Variants in DLGAP3 observed in about 807,000 individuals in gnomAD.
DLGAP3 encodes disks large-associated protein 3.
In DLGAP3, 17 loss-of-function variants were observed where a neutral mutation model predicts 81.2. The observed-to-expected ratio is 0.21, with a 90% CI of 0.14 to 0.31. The LOEUF is 0.31. Among genes scored for constraint, DLGAP3 ranks in the 10% least tolerant of loss-of-function variants. DLGAP3 has a pLI of 1.00. For synonymous variants in DLGAP3, 577 were observed against 587.4 expected, an observed-to-expected ratio of 0.98 and a Z score of 0.26; for missense variants, 1,124 against 1,388.0, an observed-to-expected ratio of 0.81 and a Z score of 3.02.
At chr1:34,882,339 G>A (rs1012873920) in intron 8 of DLGAP3, among the ~76,000 whole-genome samples, 2 of 152,072 alleles carry the variant, frequency 1.3e-5, no homozygotes, top group African/African-American at 2.4e-5. Flanking sequence ...CTAGCCAGGC[G>A]TGGTGGCGGG....
intron 1 of DLGAP3, among the ~76,000 whole-genome samples, chr1:34,918,018 G>C (rs924613805): frequency 2.0e-5 from 3 of 152,232 alleles, no homozygotes; most frequent in African/African-American, 7.2e-5. Flanking sequence ...GAGGGAGGGA[G>C]GGGGCTCGGA....
At position 34,895,768 on chromosome 1, in the gene DLGAP3, T is replaced by TA. The variant is rs1163612638; in HGVS notation, c.1386+3900dup. 6.6e-6 allele frequency among the ~76,000 whole-genome samples: 1 copy of TA among 152,206 alleles called. No homozygotes were observed. The highest frequency in any genetic ancestry group is 1.5e-5 in the Non-Finnish European group (1 of 68,040). ...TGGAATAAATTTTAAGGTTCATTAA[T>TA]AAACACATGCATTTATGGTAAATTG... On this transcript the variant is annotated intron_variant, in intron 5 of 11. Coordinates refer to ENST00000373347, the MANE Select transcript of DLGAP3 (RefSeq NM_001080418.3). The surrounding 1 kb of genome is among the most constrained non-coding windows in gnomAD (Gnocchi z 4.5).
chr1:34,868,841 G>A lies in DLGAP3; in HGVS notation c.2249C>T (p.Pro750Leu), dbSNP rs916821098. The change falls in exon 9 of 12, where the codon CCG (proline) becomes CTG (leucine). Residue 750 changes from proline to leucine, a missense_variant. Coordinates refer to ENST00000373347, the MANE Select transcript of DLGAP3 (RefSeq NM_001080418.3). This position sits in a 1 kb window ranked among gnomAD's most constrained non-coding sequence, Gnocchi z 7.5. ...AGGGCCGGGCGACCCATCGGTGGCC[G>A]GCGGCTCGTACGGCAGTGGGTAGCC... ...REGYPLPYEP[P>L]ATDGSPGPAP... The A allele has an allele frequency of 5.7e-6, 9 of 1,582,154 alleles. No individual in the cohort carries two copies. Among genetic ancestry groups the A allele is most frequent in the East Asian group, 2.3e-5 (1 of 44,156 alleles).
intron 1 of DLGAP3, among the ~76,000 whole-genome samples, chr1:34,919,854 G>A (rs1244868851): frequency 6.6e-6 from 1 of 152,168 alleles, no homozygotes; most frequent in Non-Finnish European, 1.5e-5. Context: ...ACCAAAAAAT[G>A]TGTTATACAA....
chr1:34,918,993 C>T (rs1339614248), intron 1 of DLGAP3, among the ~76,000 whole-genome samples: 3 of 152,156 alleles, frequency 2.0e-5, no homozygotes, highest in Non-Finnish European at 4.4e-5. Context: ...TCTTCTCCTC[C>T]CTTTCCTCAT....
At chr1:34,903,141 A>G (rs1639487891) in intron 3 of DLGAP3, among the ~76,000 whole-genome samples, 1 of 152,214 alleles carries the variant, frequency 6.6e-6, no homozygotes, top group African/African-American at 2.4e-5. Context: ...CATGCTGTAT[A>G]GTCTCTTCCC....
intron 5 of DLGAP3, among the ~76,000 whole-genome samples, chr1:34,897,795 G>T (rs1248022988): frequency 1.3e-5 from 2 of 152,218 alleles, no homozygotes; most frequent in East Asian, 3.8e-4. Context: ...TGGCAGTGGA[G>T]ATGGTGAGGA....
chr1:34,906,064 TAATA>T (rs1012064953), intron 2 of DLGAP3, among the ~76,000 whole-genome samples: 8 of 96,760 alleles, frequency 8.3e-5, no homozygotes, highest in African/African-American at 2.8e-4. Flanking sequence ...AAATGTATAT[TAATA>T]AATATTTATA....
chr1:34,927,745 C>G (rs1027198993), intron 1 of DLGAP3, among the ~76,000 whole-genome samples: 1 of 150,412 alleles, frequency 6.6e-6, no homozygotes, highest in African/African-American at 2.4e-5. Context: ...GCAGAAGTAG[C>G]CCCAGCATTC....
chr1:34,885,328 A>G, intron 7 of DLGAP3, 150 bp downstream of exon 7: 2 of 899,256 alleles, frequency 2.2e-6, no homozygotes, highest in Non-Finnish European at 3.5e-6. Context: ...TGGCTGGAGC[A>G]GCCCCGTCGA....
intron 5 of DLGAP3, among the ~76,000 whole-genome samples, chr1:34,886,916 C>A (rs1639241329): frequency 6.8e-6 from 1 of 148,060 alleles, no homozygotes; most frequent in Admixed American, 6.8e-5. Flanking sequence ...TATTAACCTA[C>A]CAGTGTCCCA....
chr1:34,891,486 T>A (rs551450165), intron 5 of DLGAP3, among the ~76,000 whole-genome samples: 1 of 152,346 alleles, frequency 6.6e-6, no homozygotes, highest in East Asian at 1.9e-4. Context: ...GGGAGTTTGA[T>A]AAGCTCTCCA....
At chr1:34,888,557 G>A (rs910428242) in intron 5 of DLGAP3, among the ~76,000 whole-genome samples, 13 of 152,152 alleles carry the variant, frequency 8.5e-5, no homozygotes, top group African/African-American at 2.4e-4. Context: ...ATTTAGATTC[G>A]TTGGTTCCAA....
At chr1:34,892,766 T>C (rs1164609221) in intron 5 of DLGAP3, among the ~76,000 whole-genome samples, 1 of 152,232 alleles carries the variant, frequency 6.6e-6, no homozygotes, top group Non-Finnish European at 1.5e-5. Flanking sequence ...AAGAGATCTA[T>C]ATTCACACAA....
intron 5 of DLGAP3, among the ~76,000 whole-genome samples, chr1:34,897,949 T>A (rs575485615): frequency 3.3e-5 from 5 of 152,304 alleles, no homozygotes; most frequent in South Asian, 2.1e-4. Flanking sequence ...GTTGCCATTA[T>A]CTGAAATGGA....
chr1:34,899,269 C>T (rs1441250555), intron 5 of DLGAP3, among the ~76,000 whole-genome samples: 4 of 152,198 alleles, frequency 2.6e-5, no homozygotes, highest in African/African-American at 4.8e-5. Context: ...GGGGTTTCAC[C>T]GTGTTAGCCA....
chr1:34,904,635 T>C lies in DLGAP3; in HGVS notation c.749A>G (p.Asp250Gly), dbSNP rs1013255574. Residue 250 changes from aspartate to glycine, a missense_variant, in exon 3 of 12, where the codon GAT (aspartate) becomes GGT (glycine). By Grantham distance (94) the Asp-to-Gly change is moderately conservative. Transcript: ENST00000373347. This position sits in a 1 kb window ranked among gnomAD's most constrained non-coding sequence, Gnocchi z 8.1. The stretch of plus-strand genomic sequence containing the variant: ...TGTGGACTTGGCCTGGTGCCGCCCA[T>C]CCCCCTTGCGGTCCTTGCTCTTGCT... Reference protein sequence around the residue: ...KRSKSKDRKGDGRHQAKSTGW... With the variant: ...KRSKSKDRKGGGRHQAKSTGW... 6 of 1,613,924 alleles carry C rather than the reference T, an allele frequency of 3.7e-6. 1 individual carries two copies. The highest frequency in any genetic ancestry group is 5.1e-6 in the Non-Finnish European group (6 of 1,179,992).
rs1569631725 is a variant in DLGAP3, at chr1:34,895,928, AC to A, written c.1386+3740del. The stretch of plus-strand genomic sequence containing the variant: ...ACTTGAATCACACATACACACACAC[AC>A]ACACACACACACACACACACACACA... On this transcript the variant is annotated intron_variant, in intron 5 of 11. Coordinates refer to ENST00000373347, the MANE Select transcript of DLGAP3 (RefSeq NM_001080418.3). The surrounding 1 kb of genome is among the most constrained non-coding windows in gnomAD (Gnocchi z 4.5). Among the ~76,000 whole-genome samples the A allele has an allele frequency of 9.9e-6, 1 of 100,826 alleles. No individual in the cohort carries two copies. Among genetic ancestry groups the A allele is most frequent in the East Asian group, 2.5e-3 (1 of 394 alleles). 66.1% of individuals were successfully genotyped at this position (100,826 alleles called of 152,430 possible).
At chr1:34,928,825 GAC>G (rs959125237) in intron 1 of DLGAP3, among the ~76,000 whole-genome samples, 12 of 151,144 alleles carry the variant, frequency 7.9e-5, no homozygotes, top group Non-Finnish European at 1.3e-4. Flanking sequence ...CACACTCACA[GAC>G]ACACACAGGC....
Sources: allele counts gnomAD v4.1 joint callset (sites outside exome capture counted in the v4.1 genomes callset), GRCh38; gene constraint gnomAD v4.1.1; non-coding constraint Gnocchi (gnomAD v3.1); transcripts MANE v1.5; gene names NCBI Gene and HGNC (gene_info 2026-07-23, HGNC 2026-07-21).